The following PTCHD1 variants were observed in gnomAD, a reference collection of about 807,000 sequenced individuals.
PTCHD1 encodes the protein patched domain-containing protein 1.
PTCHD1 carries 3 observed loss-of-function variants against 34.6 expected under a neutral mutation model. That is an observed-to-expected ratio of 0.09 (90% CI 0.04 to 0.22). The LOEUF (loss-of-function observed/expected upper bound fraction) is 0.22, where lower values mean the gene tolerates loss of function less well. PTCHD1 is among the 10% of genes least tolerant of loss of function. The pLI is 1.00. For synonymous variants in PTCHD1, 305 were observed against 283.1 expected, an observed-to-expected ratio of 1.08 and a Z score of -0.77; for missense variants, 504 against 685.5, an observed-to-expected ratio of 0.74 and a Z score of 2.96.
intron 1 of PTCHD1, among the ~76,000 whole-genome samples, chrX:23,371,529 A>G (rs892618659): frequency 5.4e-5 from 6 of 111,910 alleles, no homozygotes; most frequent in Non-Finnish European, 1.1e-4. Context: ...TCATAGGTCC[A>G]GCCTGCTTAG....
chrX:23,343,647 C>A (rs756516789), intron 1 of PTCHD1, among the ~76,000 whole-genome samples: 4 of 111,204 alleles, frequency 3.6e-5, no homozygotes, highest in Non-Finnish European at 7.5e-5. Context: ...AAGTATTGTT[C>A]TAAGAGGCAA....
intron 1 of PTCHD1, among the ~76,000 whole-genome samples, chrX:23,343,190 T>C (rs1438404990): frequency 1.8e-5 from 2 of 113,007 alleles, no homozygotes; most frequent in African/African-American, 3.2e-5. Context: ...ATATTCATTT[T>C]TCATCTTTGA....
At chrX:23,391,853 T>C (rs1327540196) in intron 2 of PTCHD1, among the ~76,000 whole-genome samples, 2 of 110,757 alleles carry the variant, frequency 1.8e-5, no homozygotes, top group Non-Finnish European at 3.8e-5. Context: ...TGCACAAGTC[T>C]AATCAGCTTT....
intron 1 of PTCHD1, among the ~76,000 whole-genome samples, chrX:23,363,317 C>T (rs905310800): frequency 8.9e-6 from 1 of 112,656 alleles, no homozygotes; most frequent in Non-Finnish European, 1.9e-5. Context: ...CCAGTTTGAG[C>T]TTCCAGGGCA....
At chrX:23,336,670 T>C (rs1312081324) in intron 1 of PTCHD1, among the ~76,000 whole-genome samples, 1 of 111,944 alleles carries the variant, frequency 8.9e-6, no homozygotes, top group African/African-American at 3.3e-5. Flanking sequence ...CATCACACAT[T>C]TACTCATCAC....
At chrX:23,345,426 AT>A (rs960310866) in intron 1 of PTCHD1, among the ~76,000 whole-genome samples, 2 of 112,292 alleles carry the variant, frequency 1.8e-5, no homozygotes, top group Non-Finnish European at 3.8e-5. Flanking sequence ...TGCAGACCAC[AT>A]TTTGAGTAGA....
At chrX:23,360,137 T>G (rs1178283081) in intron 1 of PTCHD1, among the ~76,000 whole-genome samples, 2 of 112,238 alleles carry the variant, frequency 1.8e-5, no homozygotes, top group African/African-American at 6.5e-5. Context: ...TGCCAGGATT[T>G]GGTATCAGGA....
intron 1 of PTCHD1, among the ~76,000 whole-genome samples, chrX:23,365,184 G>A (rs1041071644): frequency 4.5e-5 from 5 of 111,915 alleles, no homozygotes; most frequent in African/African-American, 1.3e-4. Flanking sequence ...TACCTACTGT[G>A]TTCATCGTCA....
At chrX:23,373,614 G>A (rs1375001380) in intron 1 of PTCHD1, among the ~76,000 whole-genome samples, 1 of 112,672 alleles carries the variant, frequency 8.9e-6, no homozygotes, top group Non-Finnish European at 1.9e-5. Flanking sequence ...CTGATGTAAT[G>A]CATTTCTATT....
At chrX:23,362,919 G>T (rs1262170108) in intron 1 of PTCHD1, among the ~76,000 whole-genome samples, 1 of 112,297 alleles carries the variant, frequency 8.9e-6, no homozygotes, top group Admixed American at 9.4e-5. Flanking sequence ...TTTGCTGGAG[G>T]TCCACTCCAG....
At chrX:23,357,603 T>C (rs140427741) in intron 1 of PTCHD1, among the ~76,000 whole-genome samples, 27 of 111,334 alleles carry the variant, frequency 2.4e-4, no homozygotes, top group African/African-American at 7.5e-4. Flanking sequence ...TCCCACTCCA[T>C]TGGTAGAAGA....
Position 23,398,717 on chromosome X carries a change from G to A in PTCHD1, c.*4532G>A, listed in dbSNP as rs996015159. ...AACACACTGCAGAGTTCCTCCCTGT[G>A]GTGGTTACAACTGTTATTTCTGTTT... On this transcript the variant is annotated 3_prime_UTR_variant, in exon 3 of 3. Transcript: ENST00000379361. The A allele has an allele frequency of 9.0e-6, 1 of 111,644 alleles. No individual in the cohort carries two copies. The highest frequency in any genetic ancestry group is 1.9e-5 in the Non-Finnish European group (1 of 53,166). The allele number at this position is 111,644 out of a possible 1,213,427, so 9.2% of individuals were successfully genotyped here.
intron 2 of PTCHD1, among the ~76,000 whole-genome samples, chrX:23,386,402 G>C: frequency 8.9e-6 from 1 of 111,920 alleles, no homozygotes; most frequent in South Asian, 3.7e-4. Flanking sequence ...CCCCTGATGT[G>C]AGCATCTGTC....
chrX:23,372,790 A>G (rs1228890460), intron 1 of PTCHD1, among the ~76,000 whole-genome samples: 2 of 111,920 alleles, frequency 1.8e-5, no homozygotes, highest in African/African-American at 3.2e-5. Context: ...GAGCTATCCA[A>G]CAAAACTCTT....
intron 1 of PTCHD1, among the ~76,000 whole-genome samples, chrX:23,371,725 T>C (rs756112339): frequency 1.8e-5 from 2 of 111,269 alleles, no homozygotes; most frequent in African/African-American, 6.5e-5. Flanking sequence ...AAGCACAAGA[T>C]ATTGTCAAGT....
At chrX:23,373,693 A>G (rs1403944467) in intron 1 of PTCHD1, among the ~76,000 whole-genome samples, 2 of 112,077 alleles carry the variant, frequency 1.8e-5, no homozygotes, top group African/African-American at 6.5e-5. Flanking sequence ...CAAGGGAGCT[A>G]GCGTAATTTA....
chrX:23,364,025 T>A (rs1354808731), intron 1 of PTCHD1, among the ~76,000 whole-genome samples: 2 of 111,891 alleles, frequency 1.8e-5, no homozygotes, highest in African/African-American at 6.5e-5. Flanking sequence ...CAAAAATAAA[T>A]AAAAATAACA....
chrX:23,355,509 A>G (rs1032060441), intron 1 of PTCHD1, among the ~76,000 whole-genome samples: 10 of 113,079 alleles, frequency 8.8e-5, no homozygotes, highest in African/African-American at 3.2e-4. Flanking sequence ...AGCACCTCAT[A>G]ATATAAGCAC....
At position 23,401,372 on chromosome X, in the gene PTCHD1, C is replaced by A. The variant is rs1923119886; in HGVS notation, c.*7187C>A. The stretch of plus-strand genomic sequence containing the variant: ...TAGCTCAGCCTTTCAGATATTTATT[C>A]TTTAAATTACCATCCTGTCAAAATT... On this transcript the variant is annotated 3_prime_UTR_variant, in exon 3 of 3. Coordinates refer to ENST00000379361, the MANE Select transcript of PTCHD1 (RefSeq NM_173495.3). The A allele has an allele frequency of 1.8e-5, 2 of 112,019 alleles. No homozygotes were observed. The highest frequency in any genetic ancestry group is 4.2e-3 in the Middle Eastern group (1 of 239). 9.2% of individuals were successfully genotyped at this position (112,019 alleles called of 1,213,427 possible).
Sources: allele counts gnomAD v4.1 joint callset (sites outside exome capture counted in the v4.1 genomes callset), GRCh38; gene constraint gnomAD v4.1.1; transcripts MANE v1.5; gene names NCBI Gene and HGNC (gene_info 2026-07-23, HGNC 2026-07-21).